The following SERPINB8 variants were observed in gnomAD, a reference collection of about 807,000 sequenced individuals.
The protein encoded by SERPINB8 is serpin B8.
In SERPINB8, 25 loss-of-function variants were observed where a neutral mutation model predicts 35.3. The observed-to-expected ratio is 0.71, with a 90% CI of 0.52 to 0.99. The LOEUF (loss-of-function observed/expected upper bound fraction) is 0.99, where lower values mean the gene tolerates loss of function less well. Ranked by LOEUF, SERPINB8 falls within the 50% of genes least tolerant of loss-of-function variation. The pLI, the probability that SERPINB8 is intolerant of heterozygous loss-of-function variation, is 0.00. For synonymous variants in SERPINB8, 186 were observed against 160.8 expected (o/e 1.16, Z -1.19); for missense variants, 484 against 446.5 (o/e 1.08, Z -0.76).
intron 7 of SERPINB8, among the ~76,000 whole-genome samples, chr18:64,014,799 A>G (rs1390484437): frequency 1.3e-5 from 2 of 151,962 alleles, no homozygotes; most frequent in East Asian, 3.9e-4. Context: ...ATTCCTACTT[A>G]TTCTTGAAAA....
chr18:64,004,893 A>G, exon 2 of SERPINB8: 1 of 398,524 alleles, frequency 2.5e-6, no homozygotes, highest in South Asian at 1.3e-4. Flanking sequence ...AAGTACAGAA[A>G]CATCAGACGG....
chr18:64,016,640 T>C (rs2144854049), intron 7 of SERPINB8, among the ~76,000 whole-genome samples: 1 of 152,252 alleles, frequency 6.6e-6, no homozygotes, highest in East Asian at 1.9e-4. Flanking sequence ...GAATCGAAAC[T>C]CAGAGAGTTT....
At chr18:63,985,289 G>C (rs1287393850) in intron 6 of SERPINB8, 44 bp downstream of exon 6, 1 of 1,601,000 alleles carries the variant, frequency 6.2e-7, no homozygotes, top group Admixed American at 1.7e-5. Flanking sequence ...GAGTCCAGCT[G>C]AGCTCATTTC....
At chr18:63,992,131 G>C (rs1011726704), downstream of SERPINB8, among the ~76,000 whole-genome samples, 7 of 151,994 alleles carry the variant, frequency 4.6e-5, no homozygotes, top group Non-Finnish European at 8.8e-5. Flanking sequence ...TTTGGTTTTA[G>C]GTAATTCTGG....
At chr18:63,976,138 T>C (rs1010166199) in intron 1 of SERPINB8, among the ~76,000 whole-genome samples, 8 of 152,156 alleles carry the variant, frequency 5.3e-5, no homozygotes, top group Admixed American at 2.0e-4. Flanking sequence ...ATTATACATG[T>C]TTATGAAAAA....
chr18:64,003,055 A>G (rs571721830), intron 1 of SERPINB8, among the ~76,000 whole-genome samples: 15 of 152,278 alleles, frequency 9.9e-5, no homozygotes, highest in African/African-American at 3.4e-4. Context: ...TTCTCTTCTC[A>G]GGCACCTGCC....
chr18:63,985,191 A>G lies in SERPINB8; in HGVS notation c.666A>G (p.Glu222=), dbSNP rs746093808. The change falls in exon 6 of 7, where the codon GAA becomes GAG. Residue 222 remains glutamate (E), a synonymous_variant. Transcript: ENST00000397985. ...AGGTCCTGGAGCTGCCCTATGTGGA[A>G]GAGGAGCTGAGCATGGTCATTCTGC... ...HTQVLELPYV[E]EELSMVILLP... 14 of 1,614,094 alleles carry G rather than the reference A, an allele frequency of 8.7e-6. No individual in the cohort carries two copies. The East Asian group carries it at 2.7e-4, about 31-fold the overall frequency.
intron 4 of SERPINB8, 49 bp downstream of exon 4, chr18:63,981,887 T>C (rs2050678066): frequency 7.4e-7 from 1 of 1,342,644 alleles, no homozygotes; most frequent in Non-Finnish European, 1.1e-6. Context: ...ACAACGAGGC[T>C]TAGATTGACT....
chr18:63,980,613 G>A (rs2050655835), intron 3 of SERPINB8, among the ~76,000 whole-genome samples: 1 of 152,138 alleles, frequency 6.6e-6, no homozygotes, highest in Admixed American at 6.5e-5. Context: ...GCTGGGTGCT[G>A]TTCCCGGAAT....
chr18:64,007,916 G>T (rs1392269824), downstream of SERPINB8, among the ~76,000 whole-genome samples: 1 of 152,034 alleles, frequency 6.6e-6, no homozygotes, highest in African/African-American at 2.4e-5. Context: ...AACTGTACAA[G>T]AACAGAACAT....
At chr18:63,994,284 C>T (rs904995679), downstream of SERPINB8, among the ~76,000 whole-genome samples, 4 of 152,104 alleles carry the variant, frequency 2.6e-5, no homozygotes, top group African/African-American at 4.8e-5. Context: ...GCTAGTTGTC[C>T]TAATTCAACA....
intron 1 of SERPINB8, among the ~76,000 whole-genome samples, chr18:63,999,277 G>A (rs1367123023): frequency 6.6e-6 from 1 of 152,136 alleles, no homozygotes; most frequent in Admixed American, 6.5e-5. Flanking sequence ...GTAAATCTTT[G>A]GCTGCCATGC....
chr18:63,984,567 G>A (rs2050721630), intron 5 of SERPINB8, among the ~76,000 whole-genome samples: 1 of 152,180 alleles, frequency 6.6e-6, no homozygotes, highest in Non-Finnish European at 1.5e-5. Context: ...ACAAAGATAT[G>A]AAAGTTAAAA....
At chr18:63,972,835 G>A (rs928773172) in intron 1 of SERPINB8, among the ~76,000 whole-genome samples, 4 of 151,930 alleles carry the variant, frequency 2.6e-5, no homozygotes, top group Non-Finnish European at 5.9e-5. Flanking sequence ...TTTTTTTATG[G>A]CTGCATAGTA....
rs760276109 is a variant in SERPINB8 at position 63,978,368 on chromosome 18, G to A, written c.60G>A (p.Gly20=). 3.7e-6 allele frequency: 6 copies of A among 1,614,036 alleles called. No homozygotes were observed. In the South Asian group the frequency reaches 4.4e-5, roughly 12 times the overall value. ...CCATCAGCTTATTTAAAATATTGGGGGAAGAGGACAACTCAAGAAACGTAT... is the reference window on the plus strand; with the variant it reads ...CCATCAGCTTATTTAAAATATTGGGAGAAGAGGACAACTCAAGAAACGTAT... ...TFAISLFKIL[G]EEDNSRNVFF... Residue 20 remains glycine (G), a synonymous_variant, in exon 2 of 7, where the codon GGG becomes GGA. Coordinates refer to ENST00000397985, the MANE Select transcript of SERPINB8 (RefSeq NM_002640.4).
At chr18:64,012,326 A>G (rs1454791208) in intron 7 of SERPINB8, among the ~76,000 whole-genome samples, 1 of 152,152 alleles carries the variant, frequency 6.6e-6, no homozygotes, top group African/African-American at 2.4e-5. Flanking sequence ...TTTATGAAAT[A>G]TGGTACAATT....
At chr18:63,993,146 A>G (rs996265070), downstream of SERPINB8, among the ~76,000 whole-genome samples, 1 of 152,262 alleles carries the variant, frequency 6.6e-6, no homozygotes, top group African/African-American at 2.4e-5. Context: ...TTTTAAGGTG[A>G]AACAGGTAAT....
At chr18:63,989,578 G>A (rs2050809715), downstream of SERPINB8, among the ~76,000 whole-genome samples, 1 of 152,152 alleles carries the variant, frequency 6.6e-6, no homozygotes, top group Non-Finnish European at 1.5e-5. Flanking sequence ...GGTACTACCA[G>A]TGTTGTTACT....
At chr18:64,012,672 G>C (rs2050931054) in intron 7 of SERPINB8, among the ~76,000 whole-genome samples, 1 of 151,894 alleles carries the variant, frequency 6.6e-6, no homozygotes, top group Admixed American at 6.6e-5. Flanking sequence ...GTTTCTTTCG[G>C]AGTCAGCTCT....
Sources: allele counts gnomAD v4.1 joint callset (sites outside exome capture counted in the v4.1 genomes callset), GRCh38; gene constraint gnomAD v4.1.1; transcripts MANE v1.5; gene names NCBI Gene and HGNC (gene_info 2026-07-23, HGNC 2026-07-21).